SRC: variants seen among roughly 807,000 people sequenced by gnomAD.
The protein encoded by SRC is SRC proto-oncogene, non-receptor tyrosine kinase.
Under a neutral mutation model 62.9 loss-of-function variants are expected in SRC, and 13 were observed. That is an observed-to-expected ratio of 0.21 (90% CI 0.13 to 0.33). The LOEUF is 0.33. SRC is among the 10% of genes least tolerant of loss of function. The probability of loss-of-function intolerance (pLI) is 1.00; values close to 1 mark genes in which losing one functional copy is unlikely to be tolerated. For missense variants in SRC, 457 were observed against 737.3 expected (o/e 0.62, Z 4.40); for synonymous variants, 302 against 317.5 (o/e 0.95, Z 0.52).
intron 1 of SRC, among the ~76,000 whole-genome samples, chr20:37,361,032 C>T (rs1202853762): frequency 6.6e-6 from 1 of 151,570 alleles, no homozygotes; most frequent in Non-Finnish European, 1.5e-5. Flanking sequence ...CCTCTCTCAG[C>T]TTGTGGGGGG....
chr20:37,384,981 G>A lies in SRC; in HGVS notation c.250+578G>A, dbSNP rs1464909843. 6.6e-6 allele frequency among the ~76,000 whole-genome samples: 1 copy of A among 152,172 alleles called. No individual in the cohort carries two copies. The highest frequency in any genetic ancestry group is 1.5e-5 in the Non-Finnish European group (1 of 68,016). Reference sequence around the variant, plus strand: ...TCAGACCCGTTCACTCTCCCCACAGGCACACGCTGGGCCACACACACGGCT... The same window carrying A: ...TCAGACCCGTTCACTCTCCCCACAGACACACGCTGGGCCACACACACGGCT... On this transcript the variant is annotated intron_variant, in intron 4 of 13. Transcript: ENST00000373578. This position sits in a 1 kb window ranked among gnomAD's most constrained non-coding sequence, Gnocchi z 6.7.
At chr20:37,387,419 T>C (rs2147065747) in intron 5 of SRC, among the ~76,000 whole-genome samples, 1 of 152,294 alleles carries the variant, frequency 6.6e-6, no homozygotes, top group South Asian at 2.1e-4. Flanking sequence ...GGGGGCTGTC[T>C]CCATTTTGCA....
intron 1 of SRC, among the ~76,000 whole-genome samples, chr20:37,358,751 G>A (rs563682353): frequency 5.3e-5 from 8 of 152,338 alleles, no homozygotes; most frequent in African/African-American, 1.2e-4. Context: ...TAGGAGCTCC[G>A]TGGCCCCCCT....
chr20:37,368,518 C>CTTTTTTATTTT (rs2070101473), intron 2 of SRC, among the ~76,000 whole-genome samples: 1 of 73,898 alleles, frequency 1.4e-5, no homozygotes, highest in African/African-American at 4.3e-5. Flanking sequence ...CCTATATTTT[C>CTTTTTTATTTT]TTTTTTTTTT....
intron 2 of SRC, among the ~76,000 whole-genome samples, chr20:37,371,194 G>A (rs1313256061): frequency 2.0e-5 from 3 of 152,030 alleles, no homozygotes; most frequent in Admixed American, 6.6e-5. Flanking sequence ...CACCATTTAC[G>A]TGTGGCCCAG....
intron 2 of SRC, among the ~76,000 whole-genome samples, chr20:37,366,180 G>A (rs1397283070): frequency 6.6e-6 from 1 of 152,040 alleles, no homozygotes; most frequent in African/African-American, 2.4e-5. Flanking sequence ...CACCTTGCAG[G>A]GCCGGTGGGT....
Position 37,398,746 on chromosome 20 carries a change from GA to G in SRC, c.859+894del, listed in dbSNP as rs2070696226. On this transcript the variant is annotated intron_variant, in intron 9 of 13. Coordinates refer to ENST00000373578, the MANE Select transcript of SRC (RefSeq NM_198291.3). The surrounding 1 kb of genome is among the most constrained non-coding windows in gnomAD (Gnocchi z 5.2). ...GTGAGGACTTGAGCAACACCTGGGTGAATGCACAGCGTCAGCCATTATGGTG... is the reference window on the plus strand; with the variant it reads ...GTGAGGACTTGAGCAACACCTGGGTGATGCACAGCGTCAGCCATTATGGTG... 1.3e-5 allele frequency among the ~76,000 whole-genome samples: 2 copies of G among 152,246 alleles called. No individual in the cohort carries two copies. Among genetic ancestry groups the G allele is most frequent in the South Asian group, 4.1e-4 (2 of 4,834 alleles).
intron 3 of SRC, among the ~76,000 whole-genome samples, chr20:37,383,120 A>G (rs920194363): frequency 1.1e-4 from 17 of 152,256 alleles, no homozygotes; most frequent in African/African-American, 9.6e-5. Context: ...CAGTAGTCAC[A>G]TAACCACATG....
intron 5 of SRC, among the ~76,000 whole-genome samples, chr20:37,388,848 C>T (rs2070496857): frequency 6.6e-6 from 1 of 152,050 alleles, no homozygotes; most frequent in African/African-American, 2.4e-5. Context: ...GGAGATGGGC[C>T]ACCGGAATTT....
At chr20:37,401,725 C>A in intron 11 of SRC, 47 bp downstream of exon 11, 1 of 1,472,276 alleles carries the variant, frequency 6.8e-7, no homozygotes, top group Non-Finnish European at 9.3e-7. Context: ...CCTCAAGCAC[C>A]CAGACCCATC....
In SRC at chr20:37,396,490, T is replaced by G; in HGVS notation, c.703+179T>G. The G allele has an allele frequency of 6.9e-6, 5 of 727,074 alleles. No homozygotes were observed. Among genetic ancestry groups the G allele is most frequent in the Non-Finnish European group, 8.8e-6 (4 of 454,938 alleles). The allele number at this position is 727,074 out of a possible 1,614,324, so 45.0% of individuals were successfully genotyped here. A position where few individuals can be genotyped will look rare whatever the true frequency, so the allele number is the denominator to read the frequency against. On this transcript the variant is annotated intron_variant, in intron 8 of 13. Transcript: ENST00000373578. The surrounding 1 kb of genome is among the most constrained non-coding windows in gnomAD (Gnocchi z 6.1). ...CCCTCCTTTCCTTGTCTCCTTCTTC[T>G]TCCTCTTCTTTCCCCCAGCCCCCCT...
chr20:37,345,517 G>A (rs1442895457), upstream of SRC, among the ~76,000 whole-genome samples: 2 of 152,100 alleles, frequency 1.3e-5, no homozygotes, highest in Non-Finnish European at 2.9e-5. Flanking sequence ...AAATGAACCC[G>A]TAACTATTAA....
upstream of SRC, among the ~76,000 whole-genome samples, chr20:37,345,220 T>A (rs1006250954): frequency 6.6e-6 from 1 of 152,136 alleles, no homozygotes; most frequent in Non-Finnish European, 1.5e-5. Context: ...GTGCTAGGAT[T>A]CCAGGACAGG....
At position 37,381,130 on chromosome 20, in the gene SRC, C is replaced by T. The variant is rs547352930; in HGVS notation, c.-172-1489C>T. Among the ~76,000 whole-genome samples the T allele has an allele frequency of 1.8e-3, 277 of 152,284 alleles. No individual in the cohort carries two copies. The Middle Eastern group carries it at 0.021, about 11-fold the overall frequency. ...CCTCAACCGTCTGCCTCTCCACAAA[C>T]ACCAGGATCAACCACCAAGACCAAA... is the stretch of plus-strand genomic sequence containing the variant. On this transcript the variant is annotated intron_variant, in intron 2 of 13. Transcript: ENST00000373578.
In SRC at chr20:37,398,098, A is replaced by G. The variant is rs1157102557; in HGVS notation, c.859+244A>G. 6.6e-6 allele frequency among the ~76,000 whole-genome samples: 1 copy of G among 152,132 alleles called. No individual in the cohort carries two copies. The highest frequency in any genetic ancestry group is 1.5e-5 in the Non-Finnish European group (1 of 68,010). ...CCGCACAGGGCTGGGCATTGCACAG[A>G]CCTGCTGTGTAGGCTGGGCCCGGTG... On this transcript the variant is annotated intron_variant, in intron 9 of 13. Coordinates refer to ENST00000373578, the MANE Select transcript of SRC (RefSeq NM_198291.3). The surrounding 1 kb of genome is among the most constrained non-coding windows in gnomAD (Gnocchi z 5.2).
Position 37,393,081 on chromosome 20 carries a change from G to GC in SRC, c.351-810dup, listed in dbSNP as rs541259755. ...CCCGACCACGCCGGGAGCTCTTCCT[G>GC]CCCCATCCCCATCACACCCCCCACT... On this transcript the variant is annotated intron_variant, in intron 5 of 13. Transcript: ENST00000373578. Among the ~76,000 whole-genome samples the GC allele has an allele frequency of 1.2e-3, 175 of 152,054 alleles. 1 individual carries two copies. Among genetic ancestry groups the GC allele is most frequent in the African/African-American group, 4.1e-3 (169 of 41,452 alleles).
intron 2 of SRC, among the ~76,000 whole-genome samples, chr20:37,368,531 T>TTGTTTTTTTTTG (rs2070106824): frequency 5.7e-5 from 7 of 123,808 alleles, no homozygotes; most frequent in Admixed American, 7.7e-5. Context: ...TTTTTTTTTT[T>TTGTTTTTTTTTG]TTTTTTTTTT....
In SRC at chr20:37,373,427, G is replaced by A. The variant is rs201718546; in HGVS notation, c.-173+8150G>A. 7.0e-3 allele frequency among the ~76,000 whole-genome samples: 781 copies of A among 111,386 alleles called. 5 individuals are homozygous for A. The highest frequency in any genetic ancestry group is 0.029 in the African/African-American group (579 of 19,832). 73.1% of individuals were successfully genotyped at this position (111,386 alleles called of 152,430 possible). A position where few individuals can be genotyped will look rare whatever the true frequency, so the allele number is the denominator to read the frequency against. ...TATACGCATATATACGCATATATGC[G>A]TGTATATACGCATATATACGCATAT... On this transcript the variant is annotated intron_variant, in intron 2 of 13. Transcript: ENST00000373578.
chr20:37,350,015 A>T (rs2069779685), intron 1 of SRC, among the ~76,000 whole-genome samples: 1 of 152,158 alleles, frequency 6.6e-6, no homozygotes, highest in South Asian at 2.1e-4. Flanking sequence ...CTCCTAGTCC[A>T]GCAGAGCCAC....
Sources: allele counts gnomAD v4.1 joint callset (sites outside exome capture counted in the v4.1 genomes callset), GRCh38; gene constraint gnomAD v4.1.1; non-coding constraint Gnocchi (gnomAD v3.1); transcripts MANE v1.5; gene names NCBI Gene and HGNC (gene_info 2026-07-23, HGNC 2026-07-21).